Variants in USB1 observed in about 807,000 individuals in gnomAD.
The protein encoded by USB1 is U6 snRNA phosphodiesterase 1.
Under a neutral mutation model 29.9 loss-of-function variants are expected in USB1, and 21 were observed. That is an observed-to-expected ratio of 0.70 (90% CI 0.50 to 1.01). USB1 has a LOEUF of 1.01. USB1 is among the 50% of genes least tolerant of loss of function. The probability of loss-of-function intolerance (pLI) is 0.00; values close to 1 mark genes in which losing one functional copy is unlikely to be tolerated. For missense variants in USB1, 330 were observed against 347.1 expected, an observed-to-expected ratio of 0.95 and a Z score of 0.39; for synonymous variants, 143 against 134.9, an observed-to-expected ratio of 1.06 and a Z score of -0.42.
rs1185952955 is a variant in USB1, at chr16:58,020,680, C to T, written c.*435C>T. On this transcript the variant is annotated 3_prime_UTR_variant, in exon 7 of 7. Coordinates refer to ENST00000219281, the MANE Select transcript of USB1 (RefSeq NM_024598.4). Reference sequence around the variant, plus strand: ...TCTCTCTTCCCTTCCTGTCTCTCTTCCCCTCCTCTCTCTCTTCCTGTCCTC... The same window carrying T: ...TCTCTCTTCCCTTCCTGTCTCTCTTTCCCTCCTCTCTCTCTTCCTGTCCTC... 3.8e-6 allele frequency: 1 copy of T among 266,588 alleles called. No individual in the cohort carries two copies. Among genetic ancestry groups the T allele is most frequent in the Non-Finnish European group, 7.3e-6 (1 of 137,640 alleles). 16.5% of individuals were successfully genotyped at this position (266,588 alleles called of 1,614,324 possible).
Position 58,002,474 on chromosome 16 carries a change from T to C in USB1, c.99-5T>C, listed in dbSNP as rs776593411. ...TGTACTCATTTTTCTTTTTTTCTTT[T>C]GCAGTGGCCAGAGCCCCCTTCCCAG... On this transcript the variant is annotated splice_region_variant and splice_polypyrimidine_tract_variant and intron_variant, in intron 1 of 6. Transcript: ENST00000219281. 3.1e-6 allele frequency: 5 copies of C among 1,613,890 alleles called. No homozygotes were observed. The highest frequency in any genetic ancestry group is 2.2e-5 in the East Asian group (1 of 44,892).
chr16:58,001,286 T>G (rs1963177067), upstream of USB1: 1 of 668,540 alleles, frequency 1.5e-6, no homozygotes, highest in East Asian at 2.7e-5. Flanking sequence ...CAGATCCGCG[T>G]GCGCAGCCGG....
chr16:58,000,236 C>A (rs1040374008), upstream of USB1, among the ~76,000 whole-genome samples: 1 of 152,060 alleles, frequency 6.6e-6, no homozygotes, highest in African/African-American at 2.4e-5. This position sits in a 1 kb window ranked among gnomAD's most constrained non-coding sequence, Gnocchi z 4.5. Context: ...AGGCCGGGCC[C>A]AGGAAGCGGC....
chr16:58,000,314 C>CG (rs1259196045), upstream of USB1: 6 of 151,394 alleles, frequency 4.0e-5, no homozygotes, highest in South Asian at 4.0e-4. The surrounding 1 kb of genome is among the most constrained non-coding windows in gnomAD (Gnocchi z 4.5). Context: ...CGGAGGGGCG[C>CG]GGGGGGGCGG....
At chr16:58,014,372 G>C (rs1334689754) in intron 4 of USB1, 46 bp downstream of exon 4, 1 of 1,548,386 alleles carries the variant, frequency 6.5e-7, no homozygotes, top group Non-Finnish European at 8.9e-7. Flanking sequence ...AGATTCTTTG[G>C]TGCAAAAATT....
At position 58,020,163 on chromosome 16, in the gene USB1, A is replaced by G. The variant is rs773826400; in HGVS notation, c.716A>G (p.Asp239Gly). 2 of 1,614,172 alleles carry G rather than the reference A, an allele frequency of 1.2e-6. No individual in the cohort carries two copies. Among genetic ancestry groups the G allele is most frequent in the South Asian group, 2.2e-5 (2 of 91,086 alleles). ...AAGGCAATCGTGGATGGGTTTGAAG[A>G]TGCTGAGGTGCTGCTGCGCGTGCAC... Reference protein sequence around the residue: ...ELQAIVDGFEDAEVLLRVHTE... With the variant: ...ELQAIVDGFEGAEVLLRVHTE... The change falls in exon 7 of 7, where the codon GAT becomes GGT. Residue 239 changes from aspartate (D) to glycine (G), a missense_variant. Transcript: ENST00000219281.
intron 3 of USB1, 194 bp from the exon 4 acceptor site, chr16:58,014,079 C>T (rs1282405755): frequency 1.4e-5 from 8 of 587,192 alleles, no homozygotes; most frequent in Non-Finnish European, 2.1e-5. Context: ...GTGTGTTACT[C>T]GGGCTGGGTG....
In USB1 at chr16:58,001,575, A is replaced by C; in HGVS notation, c.92A>C (p.His31Pro). Residue 31 changes from histidine (H) to proline (P), a missense_variant, in exon 1 of 7, where the codon CAC becomes CCC. Transcript: ENST00000219281. ...CGGACCAGGCCGGGGGATGGGAGCC[A>C]CCGTCGGTGAGGAGTGAGGAAGTCT... Reference protein sequence around the residue: ...GMRTRPGDGSHRRGQSPLPRQ... With the variant: ...GMRTRPGDGSPRRGQSPLPRQ... The C allele has an allele frequency of 6.2e-7, 1 of 1,605,764 alleles. No individual in the cohort carries two copies. Among genetic ancestry groups the C allele is most frequent in the Non-Finnish European group, 8.5e-7 (1 of 1,176,746 alleles).
rs1963472291 is a variant in USB1, at chr16:58,010,717, C to T, written c.449+605C>T. On this transcript the variant is annotated intron_variant, in intron 3 of 6. Coordinates refer to ENST00000219281, the MANE Select transcript of USB1 (RefSeq NM_024598.4). ...CCAGTTTATTACAAAGGATATGTTA[C>T]AGGATACACATGAACAGCCAGATGA... 28 of 385,214 alleles carry T rather than the reference C, an allele frequency of 7.3e-5. No homozygotes were observed. In the South Asian group the frequency reaches 9.6e-4, roughly 13 times the overall value. The allele number at this position is 385,214 out of a possible 1,614,324, so 23.9% of individuals were successfully genotyped here.
chr16:58,011,152 AC>A (rs1466490189), intron 3 of USB1: 1 of 1,417,106 alleles, frequency 7.1e-7, no homozygotes, highest in Admixed American at 2.0e-5. Context: ...TGCTCCTAGC[AC>A]CCCTGCTGCT....
In USB1 at chr16:58,002,581, C is replaced by T. The variant is rs548754947; in HGVS notation, c.201C>T (p.His67=). ...GGCCTGAAGATGACAGCACAAAACACGGGGGACGGGTGCGCACCTTCCCCC... is the reference window on the plus strand; with the variant it reads ...GGCCTGAAGATGACAGCACAAAACATGGGGGACGGGTGCGCACCTTCCCCC... ...EEGPEDDSTK[H]GGRVRTFPHE... Residue 67 remains histidine (H), a synonymous_variant, in exon 2 of 7, where the codon CAC becomes CAT. Transcript: ENST00000219281. The T allele has an allele frequency of 6.2e-6, 10 of 1,614,044 alleles. No homozygotes were observed. The South Asian group carries it at 7.7e-5, about 12-fold the overall frequency.
chr16:58,000,833 G>A (rs1424531612), upstream of USB1, among the ~76,000 whole-genome samples: 1 of 152,142 alleles, frequency 6.6e-6, no homozygotes, highest in Non-Finnish European at 1.5e-5. This position sits in a 1 kb window ranked among gnomAD's most constrained non-coding sequence, Gnocchi z 4.5. Context: ...GGTGCTCCGG[G>A]CGGTTTTCGA....
At chr16:58,009,899 C>A in intron 2 of USB1, 30 bp from the exon 3 acceptor site, 1 of 1,613,740 alleles carries the variant, frequency 6.2e-7, no homozygotes, top group Non-Finnish European at 8.5e-7. Flanking sequence ...GCTGAGAGAA[C>A]GGCCCGCCCT....
At chr16:58,018,558 G>T (rs2142313045) in intron 5 of USB1, among the ~76,000 whole-genome samples, 1 of 152,112 alleles carries the variant, frequency 6.6e-6, no homozygotes, top group African/African-American at 2.4e-5. Context: ...GTTCTTCCTG[G>T]CATATAGATG....
chr16:58,000,646 C>A (rs2142286859), upstream of USB1, among the ~76,000 whole-genome samples: 1 of 147,754 alleles, frequency 6.8e-6, no homozygotes, highest in Non-Finnish European at 1.5e-5. The surrounding 1 kb of genome is among the most constrained non-coding windows in gnomAD (Gnocchi z 4.5). Flanking sequence ...GGCGGGCGGA[C>A]GGACCGATGG....
intron 1 of USB1, 107 bp downstream of exon 1, chr16:58,001,688 T>A: frequency 7.7e-7 from 1 of 1,303,392 alleles, no homozygotes; most frequent in Non-Finnish European, 1.1e-6. Flanking sequence ...GGGGCGGCTC[T>A]GGGAAGGAAA....
At position 58,020,638 on chromosome 16, in the gene USB1, TCTCTCTCTTCCTCTC is replaced by T. The variant is rs1963720568; in HGVS notation, c.*405_*419del. On this transcript the variant is annotated 3_prime_UTR_variant, in exon 7 of 7. Transcript: ENST00000219281. Reference sequence around the variant, plus strand: ...CCTCCCCTCCTCTCTCTTCCTCTCCTCTCTCTCTTCCTCTCCTCTCTCTTCCCTTCCTGTCTCTCT... The same window carrying T: ...CCTCCCCTCCTCTCTCTTCCTCTCCTCTCTCTCTTCCCTTCCTGTCTCTCT... 2 of 275,612 alleles carry T rather than the reference TCTCTCTCTTCCTCTC, an allele frequency of 7.3e-6. No individual in the cohort carries two copies. Among genetic ancestry groups the T allele is most frequent in the Admixed American group, 5.6e-5 (1 of 17,886 alleles). 17.1% of individuals were successfully genotyped at this position (275,612 alleles called of 1,614,324 possible).
chr16:58,012,178 G>A, intron 3 of USB1: 5 of 1,461,340 alleles, frequency 3.4e-6, no homozygotes, highest in Non-Finnish European at 4.5e-6. Context: ...GGCCAGAGGA[G>A]GACAGGATTT....
At chr16:58,012,201 A>T (rs142906324) in intron 3 of USB1, 1 of 1,492,980 alleles carries the variant, frequency 6.7e-7, no homozygotes, top group East Asian at 2.5e-5. Context: ...CCCAATCCAG[A>T]CACTCGGCCA....
Sources: allele counts gnomAD v4.1 joint callset (sites outside exome capture counted in the v4.1 genomes callset), GRCh38; gene constraint gnomAD v4.1.1; non-coding constraint Gnocchi (gnomAD v3.1); transcripts MANE v1.5; gene names NCBI Gene and HGNC (gene_info 2026-07-23, HGNC 2026-07-21).